Variants in CDH4 observed in about 807,000 individuals in gnomAD.
CDH4 encodes the protein cadherin-4.
In CDH4, 33 loss-of-function variants were observed where a neutral mutation model predicts 86.0. The ratio of observed to expected loss-of-function variants is 0.38; its 90% CI spans 0.29 to 0.51. The LOEUF is 0.51. Ranked by LOEUF, CDH4 falls within the 20% of genes least tolerant of loss-of-function variation. CDH4 has a pLI of 0.86. For synonymous variants in CDH4, 555 were observed against 549.4 expected (o/e 1.01, Z -0.14); for missense variants, 1,114 against 1,307.4 (o/e 0.85, Z 2.28).
chr20:61,770,480 G>A (rs2088760951), intron 3 of CDH4, among the ~76,000 whole-genome samples: 1 of 152,036 alleles, frequency 6.6e-6, no homozygotes, highest in African/African-American at 2.4e-5. Context: ...CATGCCATGT[G>A]GGCACCCTGC....
chr20:61,513,531 C>T (rs986386258), intron 2 of CDH4, among the ~76,000 whole-genome samples: 15 of 152,320 alleles, frequency 9.8e-5, no homozygotes, highest in African/African-American at 1.4e-4. Flanking sequence ...CCATGGCGCA[C>T]GGCTGTGAAG....
chr20:61,620,921 G>A (rs1034107688), intron 2 of CDH4, among the ~76,000 whole-genome samples: 4 of 152,200 alleles, frequency 2.6e-5, no homozygotes, highest in Admixed American at 6.5e-5. Flanking sequence ...GCTGAGAGGC[G>A]CTTCTTCCAC....
intron 2 of CDH4, among the ~76,000 whole-genome samples, chr20:61,453,284 T>C (rs1287166482): frequency 6.6e-6 from 1 of 152,202 alleles, no homozygotes; most frequent in African/African-American, 2.4e-5. Flanking sequence ...TGGGGGATTA[T>C]ATATCTCAGC....
intron 2 of CDH4, among the ~76,000 whole-genome samples, chr20:61,394,804 A>C (rs2085007074): frequency 1.3e-5 from 2 of 148,904 alleles, no homozygotes; most frequent in South Asian, 4.8e-4. Context: ...CTTTCAAAAA[A>C]ACATAAAACA....
intron 2 of CDH4, among the ~76,000 whole-genome samples, chr20:61,338,727 T>A (rs926361653): frequency 2.0e-5 from 3 of 152,240 alleles, no homozygotes; most frequent in Admixed American, 6.5e-5. Flanking sequence ...AGAGACTTTT[T>A]AATTATACTT....
intron 2 of CDH4, among the ~76,000 whole-genome samples, chr20:61,363,337 C>T (rs571361446): frequency 3.3e-5 from 5 of 152,244 alleles, no homozygotes; most frequent in South Asian, 4.2e-4. Context: ...GGGGATATAA[C>T]GGCCAGGAAA....
At chr20:61,723,334 G>A (rs1439028298) in intron 2 of CDH4, among the ~76,000 whole-genome samples, 3 of 152,188 alleles carry the variant, frequency 2.0e-5, no homozygotes, top group East Asian at 1.9e-4. Context: ...CCTCAGCACC[G>A]GGCAGGCCCC....
chr20:61,765,683 G>C (rs1340697545), intron 3 of CDH4, among the ~76,000 whole-genome samples: 1 of 152,144 alleles, frequency 6.6e-6, no homozygotes, highest in East Asian at 1.9e-4. Flanking sequence ...CCTGGGCGTG[G>C]CACATTTCAG....
intron 3 of CDH4, among the ~76,000 whole-genome samples, chr20:61,766,488 C>T (rs146707345): frequency 6.6e-6 from 1 of 152,312 alleles, no homozygotes; most frequent in Non-Finnish European, 1.5e-5. Flanking sequence ...TTTCTTCCGA[C>T]AGCAGGGCTG....
At chr20:61,342,586 C>T (rs774395339) in intron 2 of CDH4, among the ~76,000 whole-genome samples, 5 of 152,192 alleles carry the variant, frequency 3.3e-5, no homozygotes, top group South Asian at 4.1e-4. Flanking sequence ...GAGGACGCTT[C>T]GTGCACTCAC....
At chr20:61,922,910 C>G (rs574046727) in intron 9 of CDH4, among the ~76,000 whole-genome samples, 1 of 152,220 alleles carries the variant, frequency 6.6e-6, no homozygotes, top group South Asian at 2.1e-4. Context: ...CGTGCATGAC[C>G]GCACCCAGCC....
At chr20:61,851,055 C>A (rs1449923798) in intron 5 of CDH4, among the ~76,000 whole-genome samples, 1 of 152,228 alleles carries the variant, frequency 6.6e-6, no homozygotes, top group Non-Finnish European at 1.5e-5. Flanking sequence ...GAAACACATC[C>A]ATAGCAGGAC....
At chr20:61,500,865 G>C (rs980854861) in intron 2 of CDH4, among the ~76,000 whole-genome samples, 1 of 152,222 alleles carries the variant, frequency 6.6e-6, no homozygotes, top group Non-Finnish European at 1.5e-5. Flanking sequence ...CCAGCCCCCA[G>C]TGCAGGCATG....
intron 2 of CDH4, among the ~76,000 whole-genome samples, chr20:61,410,058 T>C: frequency 6.6e-6 from 1 of 152,270 alleles, no homozygotes; most frequent in Non-Finnish European, 1.5e-5. Flanking sequence ...CCAACCAGTC[T>C]GAATCCTGAC....
chr20:61,674,232 C>T (rs547763250), intron 2 of CDH4, among the ~76,000 whole-genome samples: 1 of 152,238 alleles, frequency 6.6e-6, no homozygotes, highest in South Asian at 2.1e-4. Context: ...CCCCGAGTCC[C>T]GTGGGGCGGA....
Position 61,565,370 on chromosome 20 carries a change from T to C in CDH4, c.170-178193T>C, listed in dbSNP as rs1198580216. Among the ~76,000 whole-genome samples the C allele has an allele frequency of 3.2e-4, 14 of 44,194 alleles. 1 individual carries two copies. The East Asian group carries it at 4.5e-3, about 14-fold the overall frequency. 29.0% of individuals were successfully genotyped at this position (44,194 alleles called of 152,430 possible). On this transcript the variant is annotated intron_variant, in intron 2 of 15. Transcript: ENST00000614565. ...CCTCTTGGTGATGGGGTGATGGTGG[T>C]GGTGGTCCTCTTGGTGATGGGGTGA...
chr20:61,891,561 C>T (rs1262126497), intron 7 of CDH4, among the ~76,000 whole-genome samples: 1 of 152,262 alleles, frequency 6.6e-6, no homozygotes, highest in Non-Finnish European at 1.5e-5. Flanking sequence ...GCCCCTGACA[C>T]CTGCCTCCTT....
chr20:61,856,035 T>C (rs148944142), intron 6 of CDH4, among the ~76,000 whole-genome samples: 160 of 152,302 alleles, frequency 1.1e-3, no homozygotes, highest in African/African-American at 3.8e-3. Context: ...ATGGTGTCCA[T>C]GCAAAGTGTG....
chr20:61,699,305 G>T (rs181585669), intron 2 of CDH4, among the ~76,000 whole-genome samples: 130 of 152,310 alleles, frequency 8.5e-4, no homozygotes, highest in Admixed American at 3.5e-3. Context: ...GAGAGGCAGG[G>T]TCTGTGGTGC....
Sources: allele counts gnomAD v4.1 joint callset (sites outside exome capture counted in the v4.1 genomes callset), GRCh38; gene constraint gnomAD v4.1.1; transcripts MANE v1.5; gene names NCBI Gene and HGNC (gene_info 2026-07-23, HGNC 2026-07-21).